The following LRBA variants were observed in gnomAD, a reference collection of about 807,000 sequenced individuals.
The protein encoded by LRBA is LPS responsive beige-like anchor protein, also known as lipopolysaccharide-responsive and beige-like anchor protein.
LRBA carries 176 observed loss-of-function variants against 330.0 expected under a neutral mutation model. That is an observed-to-expected ratio of 0.53 (90% CI 0.47 to 0.60). LRBA has a LOEUF of 0.60. LRBA is among the 20% of genes least tolerant of loss of function. The probability of loss-of-function intolerance (pLI) is 0.00; values close to 1 mark genes in which losing one functional copy is unlikely to be tolerated. For synonymous variants in LRBA, 1,230 were observed against 1,193.0 expected, an observed-to-expected ratio of 1.03 and a Z score of -0.64; for missense variants, 3,259 against 3,444.8, an observed-to-expected ratio of 0.95 and a Z score of 1.35.
At chr4:150,310,537 A>G in intron 51 of LRBA, 153 bp from the exon 52 acceptor site, 1 of 517,134 alleles carries the variant, frequency 1.9e-6, no homozygotes, top group Non-Finnish European at 3.3e-6. Flanking sequence ...AACATATCCA[A>G]TTGCTGGAAA....
intron 40 of LRBA, among the ~76,000 whole-genome samples, chr4:150,531,664 A>T (rs1764069148): frequency 6.6e-6 from 1 of 152,142 alleles, no homozygotes; most frequent in African/African-American, 2.4e-5. Context: ...GCACAATATA[A>T]ATTTAAAATG....
chr4:150,906,083 A>C, intron 12 of LRBA, 93 bp from the exon 13 acceptor site: 2 of 1,092,924 alleles, frequency 1.8e-6, no homozygotes, highest in East Asian at 2.4e-5. Flanking sequence ...TGGCCCACAA[A>C]TTATGCTCAA....
At chr4:150,972,604 C>T (rs554903036) in intron 2 of LRBA, among the ~76,000 whole-genome samples, 13 of 152,118 alleles carry the variant, frequency 8.5e-5, no homozygotes, top group Non-Finnish European at 1.5e-4. Context: ...AGAAGAAATG[C>T]TTAAAAAACG....
chr4:150,391,556 A>G (rs565792443), intron 47 of LRBA, among the ~76,000 whole-genome samples: 5 of 152,306 alleles, frequency 3.3e-5, no homozygotes, highest in Admixed American at 2.6e-4. Context: ...TATTTGATTC[A>G]ACAAACTGTT....
chr4:150,469,534 T>C (rs951860546), intron 43 of LRBA, among the ~76,000 whole-genome samples: 1 of 152,222 alleles, frequency 6.6e-6, no homozygotes, highest in African/African-American at 2.4e-5. Flanking sequence ...ACTTGTTATA[T>C]AAGTTTCCTC....
intron 9 of LRBA, among the ~76,000 whole-genome samples, chr4:150,911,899 T>C (rs1257969149): frequency 6.6e-6 from 1 of 152,192 alleles, no homozygotes; most frequent in Non-Finnish European, 1.5e-5. Context: ...ATTTTTTAAA[T>C]TTATTTTTGA....
intron 35 of LRBA, among the ~76,000 whole-genome samples, chr4:150,743,899 C>A (rs182897108): frequency 6.6e-6 from 1 of 152,316 alleles, no homozygotes; most frequent in East Asian, 1.9e-4. Context: ...AAAAAGCTTT[C>A]TGCCATTCTA....
chr4:150,859,528 G>A (rs1269729976), intron 22 of LRBA, among the ~76,000 whole-genome samples: 2 of 152,134 alleles, frequency 1.3e-5, no homozygotes, highest in East Asian at 1.9e-4. Flanking sequence ...AATCACAAAC[G>A]TTACTAGGTG....
intron 34 of LRBA, among the ~76,000 whole-genome samples, chr4:150,766,856 A>T (rs1343566910): frequency 6.6e-6 from 1 of 152,208 alleles, no homozygotes; most frequent in Non-Finnish European, 1.5e-5. Context: ...GGAAGAACTC[A>T]AAACAAAACA....
intron 46 of LRBA, among the ~76,000 whole-genome samples, chr4:150,419,172 T>C (rs1040584363): frequency 6.6e-6 from 1 of 152,174 alleles, no homozygotes; most frequent in African/African-American, 2.4e-5. Flanking sequence ...GCTTCCGTTC[T>C]TTCTCTCAAT....
chr4:150,437,125 T>A (rs995417362), intron 44 of LRBA, among the ~76,000 whole-genome samples: 1 of 152,084 alleles, frequency 6.6e-6, no homozygotes, highest in African/African-American at 2.4e-5. Context: ...TGTTTAATCA[T>A]CCCATAACAA....
At chr4:150,678,894 C>A (rs915657520) in intron 37 of LRBA, among the ~76,000 whole-genome samples, 1 of 151,830 alleles carries the variant, frequency 6.6e-6, no homozygotes, top group East Asian at 1.9e-4. Context: ...ATCCACATAG[C>A]GTAACGGAAT....
At chr4:150,786,101 T>C (rs572663011) in intron 34 of LRBA, among the ~76,000 whole-genome samples, 51 of 152,282 alleles carry the variant, frequency 3.3e-4, no homozygotes, top group African/African-American at 1.2e-3. Flanking sequence ...GTGCCTGAAT[T>C]CTGTTAAGAT....
At chr4:150,966,945 A>G (rs919876938) in intron 2 of LRBA, among the ~76,000 whole-genome samples, 6 of 152,310 alleles carry the variant, frequency 3.9e-5, no homozygotes, top group Admixed American at 2.6e-4. Context: ...CCCAGAGACA[A>G]CCTCATGGCC....
intron 37 of LRBA, among the ~76,000 whole-genome samples, chr4:150,602,357 T>A (rs931531546): frequency 4.6e-5 from 7 of 152,202 alleles, no homozygotes; most frequent in African/African-American, 1.7e-4. Context: ...ATAGCATTTA[T>A]CACCCAATTT....
intron 35 of LRBA, among the ~76,000 whole-genome samples, chr4:150,737,137 G>A (rs1367393173): frequency 2.0e-5 from 3 of 152,136 alleles, no homozygotes; most frequent in Non-Finnish European, 2.9e-5. Context: ...AGCATCACTT[G>A]AGTCAATGAG....
chr4:150,965,363 A>T (rs748739076), intron 2 of LRBA, among the ~76,000 whole-genome samples: 21 of 152,238 alleles, frequency 1.4e-4, no homozygotes, highest in Non-Finnish European at 8.8e-5. Flanking sequence ...GCAAAGAAAA[A>T]GCAAGATGTA....
At chr4:150,518,031 T>G (rs2152153829) in intron 40 of LRBA, among the ~76,000 whole-genome samples, 1 of 152,374 alleles carries the variant, frequency 6.6e-6, no homozygotes, top group African/African-American at 2.4e-5. Context: ...GCATTCTTAC[T>G]ATGGATCTTA....
At chr4:150,759,102 G>A (rs916933316) in intron 35 of LRBA, among the ~76,000 whole-genome samples, 5 of 152,020 alleles carry the variant, frequency 3.3e-5, no homozygotes, top group African/African-American at 1.2e-4. Flanking sequence ...ATTTTTTGTA[G>A]ACAGAGTTTC....
Sources: allele counts gnomAD v4.1 joint callset (sites outside exome capture counted in the v4.1 genomes callset), GRCh38; gene constraint gnomAD v4.1.1; transcripts MANE v1.5; gene names NCBI Gene and HGNC (gene_info 2026-07-23, HGNC 2026-07-21).